The following FUS variants were observed in gnomAD, a reference collection of about 807,000 sequenced individuals.
The protein encoded by FUS is RNA-binding protein FUS.
In FUS, 5 loss-of-function variants were observed where a neutral mutation model predicts 82.7. That is an observed-to-expected ratio of 0.06 (90% CI 0.03 to 0.13). The LOEUF (loss-of-function observed/expected upper bound fraction) is 0.13, where lower values mean the gene tolerates loss of function less well. Ranked by LOEUF, FUS falls within the 10% of genes least tolerant of loss-of-function variation. The pLI is 1.00. For synonymous variants in FUS, 281 were observed against 247.4 expected, an observed-to-expected ratio of 1.14 and a Z score of -1.27; for missense variants, 512 against 707.8, an observed-to-expected ratio of 0.72 and a Z score of 3.14.
At chr16:31,190,252 C>A (rs770724516) in intron 11 of FUS, 23 bp from the exon 12 acceptor site, 51 of 1,613,932 alleles carry the variant, frequency 3.2e-5, no homozygotes, top group Non-Finnish European at 4.3e-5. Context: ...GGAGCAGACC[C>A]ATACTTGGTC....
rs984625317 is a variant in FUS, at chr16:31,182,346, A to C, written c.14-52A>C. On this transcript the variant is annotated intron_variant, in intron 1 of 14. Coordinates refer to ENST00000254108, the MANE Select transcript of FUS (RefSeq NM_004960.4). ...AGTTAAGGAATTTAGCTTTAATTCA[A>C]CTCTTTCAGAGTGGCAGCTGAAGAT... 1.6e-5 allele frequency: 25 copies of C among 1,605,666 alleles called. 1 individual carries two copies. In the South Asian group the frequency reaches 2.0e-4, roughly 13 times the overall value.
chr16:31,188,018 G>A (rs1057305773), intron 7 of FUS: 14 of 477,704 alleles, frequency 2.9e-5, no homozygotes, highest in Non-Finnish European at 4.2e-5. Flanking sequence ...ATGGGTCTCC[G>A]TTTCCCCTGC....
chr16:31,184,010 G>A lies in FUS; in HGVS notation c.335+8G>A. Reference sequence around the variant, plus strand: ...CAGCAGCACCTCGGGAAGGTACGGTGGTGTTGATGTCGGGGAAGGCTTGAA... The same window carrying A: ...CAGCAGCACCTCGGGAAGGTACGGTAGTGTTGATGTCGGGGAAGGCTTGAA... On this transcript the variant is annotated splice_region_variant and intron_variant, in intron 4 of 14. Coordinates refer to ENST00000254108, the MANE Select transcript of FUS (RefSeq NM_004960.4). 1 of 1,614,078 alleles carries A rather than the reference G, an allele frequency of 6.2e-7. No individual in the cohort carries two copies. The highest frequency in any genetic ancestry group is 1.3e-5 in the African/African-American group (1 of 75,008).
intron 9 of FUS, 27 bp downstream of exon 9, chr16:31,189,253 T>C (rs767723914): frequency 4.5e-5 from 67 of 1,475,540 alleles, no homozygotes; most frequent in Non-Finnish European, 6.1e-5. Flanking sequence ...GTGGGAGCTT[T>C]CTGTCAGTGT....
At chr16:31,182,839 C>T (rs1459546776) in intron 3 of FUS, 175 bp downstream of exon 3, 1 of 744,144 alleles carries the variant, frequency 1.3e-6, no homozygotes, top group African/African-American at 1.7e-5. Context: ...GCCTCAGCCT[C>T]CTGAGTAGCT....
rs72550884 is a variant in FUS at position 31,191,302 on chromosome 16, G to T, written c.1542-97G>T. ...TAGACCCACTTGAGATAAGATACTC[G>T]CTGGGTTAGGTAGGAGGGGCAGATA... is the stretch of plus-strand genomic sequence containing the variant. On this transcript the variant is annotated intron_variant, in intron 14 of 14. Transcript: ENST00000254108. 2,131 of 1,529,992 alleles carry T rather than the reference G, an allele frequency of 1.4e-3. 19 individuals are homozygous for T. The African/African-American group carries it at 0.025, about 18-fold the overall frequency. The allele number at this position is 1,529,992 out of a possible 1,614,324, so 94.8% of individuals were successfully genotyped here.
Position 31,184,399 on chromosome 16 carries a change from G to A in FUS, c.523+3G>A. The A allele has an allele frequency of 6.2e-7, 1 of 1,604,074 alleles. No homozygotes were observed. The highest frequency in any genetic ancestry group is 1.1e-5 in the South Asian group (1 of 90,816). ...TGGAGGTGGAGGTGGAGGTGGAGGT[G>A]AGATGTCTTCAGCTTTGTCTGCAGC... On this transcript the variant is annotated splice_donor_region_variant and intron_variant, in intron 5 of 14. Transcript: ENST00000254108.
chr16:31,189,288 T>C (rs2079316956), intron 9 of FUS, 62 bp downstream of exon 9: 4 of 1,213,830 alleles, frequency 3.3e-6, no homozygotes, highest in Middle Eastern at 1.9e-4. Context: ...TTTCACACAT[T>C]AGTAAAAGCA....
At chr16:31,187,693 T>A in intron 7 of FUS, 1 of 234,126 alleles carries the variant, frequency 4.3e-6, no homozygotes, top group African/African-American at 2.2e-5. Flanking sequence ...TAAACATTGG[T>A]CAAAGATGGT....
At chr16:31,181,458 C>G (rs1294485385) in intron 1 of FUS, among the ~76,000 whole-genome samples, 1 of 152,154 alleles carries the variant, frequency 6.6e-6, no homozygotes, top group Non-Finnish European at 1.5e-5. Flanking sequence ...GGGCTGGGGA[C>G]TCGAGTACCT....
At chr16:31,190,188 C>T in intron 11 of FUS, 47 bp downstream of exon 11, 1 of 1,613,712 alleles carries the variant, frequency 6.2e-7, no homozygotes, top group Non-Finnish European at 8.5e-7. Context: ...GGGGAGAGTG[C>T]AGAAGATGGT....
At chr16:31,190,615 A>G in intron 12 of FUS, 127 bp from the exon 13 acceptor site, 1 of 1,179,980 alleles carries the variant, frequency 8.5e-7, no homozygotes, top group Non-Finnish European at 1.3e-6. Context: ...TCTGAGAAGC[A>G]AGCCGTTTTG....
chr16:31,192,533 C>T (rs1435359758), downstream of FUS: 1 of 511,314 alleles, frequency 2.0e-6, no homozygotes, highest in Non-Finnish European at 3.8e-6. Context: ...CTGGGGACCC[C>T]TAATTGGGAA....
chr16:31,194,560 C>T (rs778957878), downstream of FUS: 1 of 499,994 alleles, frequency 2.0e-6, no homozygotes, highest in South Asian at 1.5e-5. Flanking sequence ...CCCACTTTGG[C>T]CTCCCAGAGT....
chr16:31,194,612 T>G (rs3764324), downstream of FUS: 28 of 493,172 alleles, frequency 5.7e-5, no homozygotes, highest in East Asian at 9.3e-4. Flanking sequence ...GCTATGAAAA[T>G]TTTATTTTTA....
downstream of FUS, chr16:31,194,682 GAATCA>G (rs1426172852): frequency 5.3e-5 from 26 of 487,226 alleles, no homozygotes; most frequent in African/African-American, 2.9e-4. Context: ...ACACATTGTG[GAATCA>G]AATCAGGCTA....
chr16:31,185,001 A>G lies in FUS; in HGVS notation c.586A>G (p.Asn196Asp). The G allele has an allele frequency of 1.9e-6, 3 of 1,613,258 alleles. No individual in the cohort carries two copies. Among genetic ancestry groups the G allele is most frequent in the Non-Finnish European group, 2.5e-6 (3 of 1,179,746 alleles). The change falls in exon 6 of 15, where the codon AAT (asparagine) becomes GAT (aspartate). Residue 196 changes from asparagine to aspartate, a missense_variant. By Grantham distance (23) the Asn-to-Asp change is conservative. Coordinates refer to ENST00000254108, the MANE Select transcript of FUS (RefSeq NM_004960.4). ...TGGTGGCAGTGGTGGCGGTTATGGC[A>G]ATCAAGACCAGAGTGGTGGAGGTGG... is the stretch of plus-strand genomic sequence containing the variant. Reference protein sequence around the residue: ...SGGGSGGGYGNQDQSGGGGSG... With the variant: ...SGGGSGGGYGDQDQSGGGGSG...
chr16:31,187,617 A>C (rs2144124218), intron 7 of FUS: 1 of 231,528 alleles, frequency 4.3e-6, no homozygotes, highest in African/African-American at 2.2e-5. Flanking sequence ...TTAAAGCCAA[A>C]GGTGTGGGTT....
chr16:31,182,515 A>T lies in FUS; in HGVS notation c.41A>T (p.Tyr14Phe). ...ACGCTGGTTTTCCTTTTATTTAGCT[A>T]TGGGGCCTACCCCACCCAGCCCGGG... ...NDYTQQATQS[Y>F]GAYPTQPGQG... The change falls in exon 3 of 15, where the codon TAT (tyrosine) becomes TTT (phenylalanine). Residue 14 changes from tyrosine to phenylalanine, a missense_variant and splice_region_variant. Tyr to Phe is a conservative substitution (Grantham distance 22). Around this residue, in one of 6 missense-constraint regions of FUS, gnomAD observed 276 missense variants for 303.3 expected, o/e 0.91. Transcript: ENST00000254108. 1 of 1,614,070 alleles carries T rather than the reference A, an allele frequency of 6.2e-7. No individual in the cohort carries two copies. Among genetic ancestry groups the T allele is most frequent in the Non-Finnish European group, 8.5e-7 (1 of 1,180,014 alleles).
Sources: gnomAD v4.1 joint callset for allele counts (sites outside exome capture counted in the v4.1 genomes callset) on GRCh38, gnomAD v4.1.1 for gene constraint, gnomAD v4.1.1 regional missense constraint, MANE v1.5 for transcripts, NCBI Gene and HGNC (gene_info 2026-07-23, HGNC 2026-07-21) for gene names.